Variants in EGLN1 observed in about 807,000 individuals in gnomAD.
EGLN1 encodes the protein egl nine homolog 1.
In EGLN1, 17 loss-of-function variants were observed where a neutral mutation model predicts 38.3. That is an observed-to-expected ratio of 0.44 (90% confidence interval 0.30 to 0.67). The LOEUF (loss-of-function observed/expected upper bound fraction) is 0.67. Ranked by LOEUF, EGLN1 falls within the 30% of genes least tolerant of loss-of-function variation. EGLN1 has a pLI of 0.08. For synonymous variants in EGLN1, 283 were observed against 257.5 expected (o/e 1.10, Z -0.95); for missense variants, 477 against 603.3 (o/e 0.79, Z 2.19).
chr1:231,387,654 C>T (rs1010497729), intron 1 of EGLN1, among the ~76,000 whole-genome samples: 3 of 152,120 alleles, frequency 2.0e-5, no homozygotes, highest in Non-Finnish European at 1.5e-5. Flanking sequence ...CCACCACACC[C>T]GGCCGCAACT....
chr1:231,407,690 T>C (rs1039779104), intron 1 of EGLN1, among the ~76,000 whole-genome samples: 1 of 152,156 alleles, frequency 6.6e-6, no homozygotes, highest in East Asian at 1.9e-4. Flanking sequence ...TAAAGTTCTA[T>C]TGCAGTTCAT....
chr1:231,422,240 G>A lies in EGLN1; in HGVS notation c.-352C>T, dbSNP rs1656661892. The A allele has an allele frequency of 1.1e-5, 2 of 175,534 alleles. No homozygotes were observed. Among genetic ancestry groups the A allele is most frequent in the South Asian group, 1.6e-4 (1 of 6,166 alleles). The allele number at this position is 175,534 out of a possible 1,614,324, so 10.9% of individuals were successfully genotyped here. A position where few individuals can be genotyped will look rare whatever the true frequency, so the allele number is the denominator to read the frequency against. On this transcript the variant is annotated 5_prime_UTR_variant, in exon 1 of 5. Coordinates refer to ENST00000366641, the MANE Select transcript of EGLN1 (RefSeq NM_022051.3). ...CCGCCTCAGCGTCCCGGGCGGCCCG[G>A]CCCAGGCTGTGGAGGAGCGCAGGGC... is the stretch of plus-strand genomic sequence containing the variant.
chr1:231,395,226 T>G (rs1312550408), intron 1 of EGLN1, among the ~76,000 whole-genome samples: 1 of 152,346 alleles, frequency 6.6e-6, no homozygotes, highest in East Asian at 1.9e-4. Flanking sequence ...TTTGTTCCTC[T>G]TTTAGCTACC....
At chr1:231,390,399 A>C (rs1227921339) in intron 1 of EGLN1, among the ~76,000 whole-genome samples, 1 of 152,228 alleles carries the variant, frequency 6.6e-6, no homozygotes, top group African/African-American at 2.4e-5. Flanking sequence ...TGTGCCACGT[A>C]CTATGCTAAG....
intron 1 of EGLN1, among the ~76,000 whole-genome samples, chr1:231,380,549 A>C (rs970710620): frequency 1.3e-5 from 2 of 152,152 alleles, no homozygotes; most frequent in Non-Finnish European, 2.9e-5. Context: ...ATTGTGATCA[A>C]CAATAGTTTT....
intron 1 of EGLN1, among the ~76,000 whole-genome samples, chr1:231,395,870 C>A (rs376371163): frequency 2.6e-5 from 4 of 152,110 alleles, no homozygotes; most frequent in African/African-American, 7.2e-5. Flanking sequence ...AAGTGATCTC[C>A]CAGTGACTCA....
chr1:231,376,369 C>G (rs977293037), intron 1 of EGLN1, among the ~76,000 whole-genome samples: 1 of 152,314 alleles, frequency 6.6e-6, no homozygotes, highest in Middle Eastern at 3.4e-3. Context: ...CCTTCTAGGT[C>G]ATCAGAGCAA....
intron 1 of EGLN1, among the ~76,000 whole-genome samples, chr1:231,385,505 G>C (rs184106250): frequency 7.2e-5 from 11 of 152,274 alleles, no homozygotes; most frequent in Middle Eastern, 6.8e-3. Flanking sequence ...AAAGGTCATG[G>C]TGTGTGTGTA....
chr1:231,386,022 GC>G (rs1379671713), intron 1 of EGLN1, among the ~76,000 whole-genome samples: 1 of 151,794 alleles, frequency 6.6e-6, no homozygotes, highest in Non-Finnish European at 1.5e-5. Flanking sequence ...TTACTATGTT[GC>G]CCAGCTGGCC....
At chr1:231,380,408 TATAAATG>T (rs1178058815) in intron 1 of EGLN1, among the ~76,000 whole-genome samples, 1 of 152,012 alleles carries the variant, frequency 6.6e-6, no homozygotes, top group African/African-American at 2.4e-5. Context: ...GCTGACTTAT[TATAAATG>T]ATTTCTGACT....
chr1:231,366,980 G>A (rs78118495), intron 4 of EGLN1, among the ~76,000 whole-genome samples: 1,531 of 152,308 alleles, frequency 0.01, 11 homozygotes, highest in African/African-American at 0.026. Context: ...CAGACCCCCT[G>A]CTCTTGGAGA....
intron 1 of EGLN1, among the ~76,000 whole-genome samples, chr1:231,419,885 G>C (rs1222068149): frequency 6.6e-6 from 1 of 152,094 alleles, no homozygotes; most frequent in Admixed American, 6.5e-5. Context: ...AAAACCACTA[G>C]TTAGAGTCAG....
chr1:231,382,656 T>G (rs1688102757), intron 1 of EGLN1, among the ~76,000 whole-genome samples: 2 of 152,232 alleles, frequency 1.3e-5, no homozygotes, highest in African/African-American at 4.8e-5. Context: ...TGACTCCTGC[T>G]GGTTCTGTTA....
Position 231,421,785 on chromosome 1 carries a change from C to G in EGLN1, c.104G>C (p.Arg35Pro). The change falls in exon 1 of 5, where the codon CGC becomes CCC. Residue 35 changes from arginine to proline, a missense_variant. Physicochemically the swap from Arg to Pro is moderately radical, Grantham distance 103. This residue lies in a region of EGLN1 where 298 missense variants were observed against 288.9 expected (regional missense o/e 1.03). Coordinates refer to ENST00000366641, the MANE Select transcript of EGLN1 (RefSeq NM_022051.3). This position sits in a 1 kb window ranked among gnomAD's most constrained non-coding sequence, Gnocchi z 5.5. Reference sequence around the variant, plus strand: ...GCAGCAGTAGAAGGAGCTGCGGCAGCGGCTGCAGCGCAGCAGGTTCTCCAT... The same window carrying G: ...GCAGCAGTAGAAGGAGCTGCGGCAGGGGCTGCAGCGCAGCAGGTTCTCCAT... ...GKMENLLRCS[R>P]CRSSFYCCKE... The G allele has an allele frequency of 6.4e-7, 1 of 1,557,766 alleles. No homozygotes were observed. Among genetic ancestry groups the G allele is most frequent in the Non-Finnish European group, 8.6e-7 (1 of 1,161,846 alleles).
In EGLN1 at chr1:231,364,203, T is replaced by G. The variant is rs570539035; in HGVS notation, c.*2208A>C. On this transcript the variant is annotated 3_prime_UTR_variant, in exon 5 of 5. Coordinates refer to ENST00000366641, the MANE Select transcript of EGLN1 (RefSeq NM_022051.3). Reference sequence around the variant, plus strand: ...ACAACCCACAGATAGTAGAATCTAATACTTTTTACAACTGTAGAGGTACAC... The same window carrying G: ...ACAACCCACAGATAGTAGAATCTAAGACTTTTTACAACTGTAGAGGTACAC... 6.6e-6 allele frequency: 1 copy of G among 152,306 alleles called. No individual in the cohort carries two copies. The highest frequency in any genetic ancestry group is 6.5e-5 in the Admixed American group (1 of 15,302). The allele number at this position is 152,306 out of a possible 1,614,324, so 9.4% of individuals were successfully genotyped here.
intron 1 of EGLN1, among the ~76,000 whole-genome samples, chr1:231,409,241 TAA>T (rs68152109): frequency 0.18 from 21,748 of 120,620 alleles, 1,924 homozygotes; most frequent in African/African-American, 0.29. Context: ...CCTAATTTCT[TAA>T]AAAAAAAAAA....
intron 1 of EGLN1, among the ~76,000 whole-genome samples, chr1:231,386,117 G>GT (rs35724479): frequency 0.55 from 81,500 of 149,474 alleles, 23,680 homozygotes; most frequent in Middle Eastern, 0.66. Flanking sequence ...TGCCCGGCTG[G>GT]TTTTTTTTTT....
At chr1:231,381,412 A>C (rs963259641) in intron 1 of EGLN1, among the ~76,000 whole-genome samples, 3 of 152,226 alleles carry the variant, frequency 2.0e-5, no homozygotes, top group Non-Finnish European at 4.4e-5. Flanking sequence ...TAGAAATATG[A>C]AAAATACAGA....
rs771056515 is a variant in EGLN1 at position 231,421,250 on chromosome 1, G to A, written c.639C>T (p.Phe213=). 4 of 1,613,698 alleles carry A rather than the reference G, an allele frequency of 2.5e-6. No individual in the cohort carries two copies. Among genetic ancestry groups the A allele is most frequent in the African/African-American group, 1.3e-5 (1 of 74,912 alleles). ...NKHGICVVDD[F]LGKETGQQIG... Reference sequence around the variant, plus strand: ...TCTGCTGTCCGGTCTCCTTGCCGAGGAAGTCGTCCACCACACAGATGCCGT... The same window carrying A: ...TCTGCTGTCCGGTCTCCTTGCCGAGAAAGTCGTCCACCACACAGATGCCGT... Residue 213 remains phenylalanine (F), a synonymous_variant, in exon 1 of 5, where the codon TTC becomes TTT. Coordinates refer to ENST00000366641, the MANE Select transcript of EGLN1 (RefSeq NM_022051.3). This position sits in a 1 kb window ranked among gnomAD's most constrained non-coding sequence, Gnocchi z 5.5.
Sources: allele counts gnomAD v4.1 joint callset (sites outside exome capture counted in the v4.1 genomes callset), GRCh38; gene constraint gnomAD v4.1.1; regional missense constraint gnomAD v4.1.1; non-coding constraint Gnocchi (gnomAD v3.1); transcripts MANE v1.5; gene names NCBI Gene and HGNC (gene_info 2026-07-23, HGNC 2026-07-21).